Variants in SSBP3 observed in about 807,000 individuals in gnomAD.
The protein encoded by SSBP3 is single-stranded DNA-binding protein 3.
A neutral mutation model predicts 69.6 loss-of-function variants in SSBP3; 5 were observed. The observed-to-expected ratio is 0.07, with a 90% CI of 0.04 to 0.15. SSBP3 has a LOEUF of 0.15. Ranked by LOEUF, SSBP3 falls within the 10% of genes least tolerant of loss-of-function variation. SSBP3 has a pLI of 1.00. For missense variants in SSBP3, 312 were observed against 534.0 expected, an observed-to-expected ratio of 0.58 and a Z score of 4.10; for synonymous variants, 196 against 193.4, an observed-to-expected ratio of 1.01 and a Z score of -0.11.
intron 7 of SSBP3, among the ~76,000 whole-genome samples, chr1:54,253,891 T>C (rs1200170483): frequency 1.3e-5 from 2 of 152,202 alleles, no homozygotes; most frequent in African/African-American, 2.4e-5. Context: ...AAGCTCCTCC[T>C]TGGATTCCTC....
At chr1:54,383,881 C>A (rs991026513) in intron 4 of SSBP3, among the ~76,000 whole-genome samples, 11 of 152,040 alleles carry the variant, frequency 7.2e-5, no homozygotes, top group South Asian at 4.2e-4. Context: ...CCGAGGCGGG[C>A]GGATCACGAG....
chr1:54,258,426 G>A lies in SSBP3; in HGVS notation c.367-277C>T, dbSNP rs1644961166. Among the ~76,000 whole-genome samples the A allele has an allele frequency of 6.6e-6, 1 of 152,198 alleles. No homozygotes were observed. The highest frequency in any genetic ancestry group is 2.4e-5 in the African/African-American group (1 of 41,442). On this transcript the variant is annotated intron_variant, in intron 5 of 17. Transcript: ENST00000610401. This position sits in a 1 kb window ranked among gnomAD's most constrained non-coding sequence, Gnocchi z 4.5. ...CTCTGTCAAAGCACACGGGAGTACA[G>A]TCCTGGACACAGCCTACCCTTGGAG...
intron 7 of SSBP3, among the ~76,000 whole-genome samples, chr1:54,254,618 G>A (rs1320328818): frequency 6.6e-6 from 1 of 152,160 alleles, no homozygotes; most frequent in African/African-American, 2.4e-5. Flanking sequence ...GCCCCAGCAA[G>A]TCCTCTAGTC....
intron 14 of SSBP3, among the ~76,000 whole-genome samples, chr1:54,231,962 A>T (rs953957497): frequency 2.6e-5 from 4 of 152,134 alleles, no homozygotes; most frequent in African/African-American, 7.2e-5. Flanking sequence ...CCAAAGTGCT[A>T]GGATTATAGG....
intron 4 of SSBP3, among the ~76,000 whole-genome samples, chr1:54,307,228 C>T (rs964090692): frequency 6.6e-6 from 1 of 152,072 alleles, no homozygotes; most frequent in Non-Finnish European, 1.5e-5. Flanking sequence ...ATGGTCACGC[C>T]CCCACTATGG....
chr1:54,397,255 G>A (rs1020835985), intron 4 of SSBP3, among the ~76,000 whole-genome samples: 1 of 152,168 alleles, frequency 6.6e-6, no homozygotes, highest in Non-Finnish European at 1.5e-5. Flanking sequence ...ATTCCAGCCT[G>A]CACTGCCACC....
intron 5 of SSBP3, among the ~76,000 whole-genome samples, chr1:54,275,446 A>C (rs1405390705): frequency 6.6e-6 from 1 of 152,210 alleles, no homozygotes; most frequent in East Asian, 1.9e-4. Flanking sequence ...GGCAGGAGGA[A>C]TGTCCGCTCC....
chr1:54,251,923 C>A, intron 7 of SSBP3, 63 bp from the exon 8 acceptor site: 1 of 1,382,156 alleles, frequency 7.2e-7, no homozygotes. Flanking sequence ...TGGGGACAGG[C>A]ATCTACCTGT....
At chr1:54,282,924 C>T (rs1645422952) in intron 4 of SSBP3, among the ~76,000 whole-genome samples, 2 of 152,308 alleles carry the variant, frequency 1.3e-5, no homozygotes, top group South Asian at 2.1e-4. Flanking sequence ...ACACAGCCTC[C>T]CATCACCACC....
At position 54,251,786 on chromosome 1, in the gene SSBP3, C is replaced by T. The variant is rs765299663; in HGVS notation, c.574+8G>A. 1 of 1,611,230 alleles carries T rather than the reference C, an allele frequency of 6.2e-7. No homozygotes were observed. The highest frequency in any genetic ancestry group is 8.5e-7 in the Non-Finnish European group (1 of 1,179,368). Reference sequence around the variant, plus strand: ...CCAGCCACCCTAGGCCCACCCTGCCCTCTCTACCTTGTTGTCGTGTGGGAT... The same window carrying T: ...CCAGCCACCCTAGGCCCACCCTGCCTTCTCTACCTTGTTGTCGTGTGGGAT... On this transcript the variant is annotated splice_region_variant and intron_variant, in intron 8 of 17. Transcript: ENST00000610401.
intron 4 of SSBP3, among the ~76,000 whole-genome samples, chr1:54,351,411 G>A (rs750535561): frequency 1.3e-5 from 2 of 152,176 alleles, no homozygotes; most frequent in Non-Finnish European, 2.9e-5. Context: ...GAAACAGGCA[G>A]AGCCTGAAGA....
intron 4 of SSBP3, among the ~76,000 whole-genome samples, chr1:54,282,844 G>GAATCT (rs1645422049): frequency 6.6e-6 from 1 of 152,192 alleles, no homozygotes; most frequent in African/African-American, 2.4e-5. Flanking sequence ...ATCTCCCAGG[G>GAATCT]TTCTGATTCT....
intron 4 of SSBP3, among the ~76,000 whole-genome samples, chr1:54,303,942 C>T (rs1187240925): frequency 6.6e-6 from 1 of 152,116 alleles, no homozygotes; most frequent in Non-Finnish European, 1.5e-5. Flanking sequence ...CCTGCAAGGC[C>T]CTCAGTACAT....
intron 14 of SSBP3, chr1:54,236,519 C>T (rs1299560424): frequency 2.0e-5 from 3 of 152,220 alleles, no homozygotes; most frequent in Non-Finnish European, 4.4e-5. Flanking sequence ...AAGTGATCCT[C>T]CCACCTTGGC....
At chr1:54,256,574 C>A (rs1644924980) in intron 7 of SSBP3, among the ~76,000 whole-genome samples, 1 of 152,112 alleles carries the variant, frequency 6.6e-6, no homozygotes, top group Admixed American at 6.6e-5. Context: ...CAAATCCTTT[C>A]TTGTTTTGAG....
chr1:54,412,069 C>T (rs1239666729), intron 1 of SSBP3, among the ~76,000 whole-genome samples: 1 of 152,152 alleles, frequency 6.6e-6, no homozygotes. Flanking sequence ...CAAAACTTTG[C>T]TCTTGCTGGT....
intron 4 of SSBP3, among the ~76,000 whole-genome samples, chr1:54,366,423 C>T (rs1647030889): frequency 6.6e-6 from 1 of 152,166 alleles, no homozygotes; most frequent in African/African-American, 2.4e-5. Flanking sequence ...GAATGTGATG[C>T]TTGATCTCTC....
intron 4 of SSBP3, among the ~76,000 whole-genome samples, chr1:54,377,576 G>A (rs550102952): frequency 9.2e-5 from 14 of 152,326 alleles, no homozygotes; most frequent in African/African-American, 2.6e-4. Flanking sequence ...TCATAGCAGG[G>A]ATCTCAGATC....
At chr1:54,226,577 C>T (rs1480844296) in exon 18 of SSBP3, 1 of 155,042 alleles carries the variant, frequency 6.4e-6, no homozygotes, top group African/African-American at 2.4e-5. Context: ...AATGTGGGCT[C>T]TCACACCTAG....
Sources: gnomAD v4.1 joint callset for allele counts (sites outside exome capture counted in the v4.1 genomes callset) on GRCh38, gnomAD v4.1.1 for gene constraint, Gnocchi (gnomAD v3.1) non-coding constraint, MANE v1.5 for transcripts, NCBI Gene and HGNC (gene_info 2026-07-23, HGNC 2026-07-21) for gene names.